The following DPY30 variants were observed in gnomAD, a reference collection of about 807,000 sequenced individuals.
DPY30 encodes the protein dpy-30 histone methyltransferase complex regulatory subunit.
Under a neutral mutation model 16.2 loss-of-function variants are expected in DPY30, and 6 were observed. The observed-to-expected ratio is 0.37, with a 90% CI of 0.20 to 0.73. The LOEUF is 0.73. Ranked by LOEUF, DPY30 falls within the 30% of genes least tolerant of loss-of-function variation. The pLI, the probability that DPY30 is intolerant of heterozygous loss-of-function variation, is 0.51. For synonymous variants in DPY30, 39 were observed against 38.8 expected (o/e 1.00, Z -0.02); for missense variants, 73 against 113.1 (o/e 0.65, Z 1.61).
chr2:32,025,027 A>G (rs1675278010), intron 4 of DPY30, among the ~76,000 whole-genome samples: 2 of 152,236 alleles, frequency 1.3e-5, no homozygotes, highest in South Asian at 4.1e-4. Context: ...ATGAAAAGGC[A>G]TATTGAAAAT....
At chr2:32,014,796 T>TA (rs556042795) in intron 5 of DPY30, among the ~76,000 whole-genome samples, 122 of 143,866 alleles carry the variant, frequency 8.5e-4, no homozygotes, top group South Asian at 3.7e-3. Context: ...ACCCCATCTT[T>TA]AAAAAAAAAA....
chr2:32,023,645 A>G, downstream of DPY30: 1 of 1,017,550 alleles, frequency 9.8e-7, no homozygotes, highest in Non-Finnish European at 1.4e-6. Flanking sequence ...TGCTTTTATT[A>G]GTACTCCAAC....
chr2:32,029,202 G>T (rs1028506101), intron 4 of DPY30, among the ~76,000 whole-genome samples: 1 of 152,112 alleles, frequency 6.6e-6, no homozygotes, highest in Non-Finnish European at 1.5e-5. Flanking sequence ...AAACCAGGAG[G>T]TAGAGGTTGC....
At chr2:32,034,143 G>T (rs1284203634) in intron 3 of DPY30, among the ~76,000 whole-genome samples, 4 of 152,160 alleles carry the variant, frequency 2.6e-5, no homozygotes, top group Non-Finnish European at 5.9e-5. Flanking sequence ...TAAACATATT[G>T]CCTTCCAGTC....
chr2:32,019,218 G>C (rs771225950), downstream of DPY30, among the ~76,000 whole-genome samples: 2 of 152,080 alleles, frequency 1.3e-5, no homozygotes, highest in Non-Finnish European at 2.9e-5. Context: ...TCAGCCTTCT[G>C]AGCAGCTGGG....
At chr2:32,025,795 C>T (rs921078346) in intron 4 of DPY30, among the ~76,000 whole-genome samples, 5 of 146,598 alleles carry the variant, frequency 3.4e-5, no homozygotes, top group Non-Finnish European at 4.5e-5. Flanking sequence ...GTACTTGGGC[C>T]GGGGGGAAAA....
intron 3 of DPY30, among the ~76,000 whole-genome samples, chr2:32,031,141 G>A (rs988440064): frequency 1.8e-4 from 28 of 152,014 alleles, no homozygotes; most frequent in African/African-American, 6.5e-4. Flanking sequence ...AAAATTTTGC[G>A]GCCAGGCACG....
chr2:32,035,591 T>TAA (rs906842596), intron 3 of DPY30, among the ~76,000 whole-genome samples: 1 of 137,382 alleles, frequency 7.3e-6, no homozygotes, highest in African/African-American at 2.7e-5. Context: ...TTCATCTTAT[T>TAA]AAAAAAAAAA....
chr2:32,034,740 T>C (rs1216287723), intron 3 of DPY30, among the ~76,000 whole-genome samples: 1 of 152,202 alleles, frequency 6.6e-6, no homozygotes, highest in Non-Finnish European at 1.5e-5. Flanking sequence ...GACTCACACC[T>C]GTAATCCCAG....
At chr2:32,031,492 G>A (rs1371524850) in intron 3 of DPY30, among the ~76,000 whole-genome samples, 4 of 152,070 alleles carry the variant, frequency 2.6e-5, no homozygotes, top group African/African-American at 4.8e-5. Flanking sequence ...AGCTACTTAA[G>A]AAGCTGAAAC....
intron 5 of DPY30, among the ~76,000 whole-genome samples, chr2:32,018,201 C>G (rs1675099612): frequency 6.6e-6 from 1 of 152,012 alleles, no homozygotes; most frequent in Admixed American, 6.6e-5. Context: ...CTGTCAGAGG[C>G]AGACAAGATG....
chr2:32,023,864 T>G, downstream of DPY30: 1 of 1,320,156 alleles, frequency 7.6e-7, no homozygotes. Context: ...TTCAATCATG[T>G]AAAATATTTG....
At chr2:32,030,970 T>G (rs1675517817) in intron 3 of DPY30, among the ~76,000 whole-genome samples, 1 of 152,134 alleles carries the variant, frequency 6.6e-6, no homozygotes, top group African/African-American at 2.4e-5. Flanking sequence ...AAACAATAAT[T>G]ACAATTAAAA....
intron 5 of DPY30, among the ~76,000 whole-genome samples, chr2:32,017,164 T>A (rs1242633754): frequency 6.6e-6 from 1 of 151,934 alleles, no homozygotes; most frequent in Non-Finnish European, 1.5e-5. Context: ...ATTACAGGCG[T>A]GAGCCACGGC....
At position 32,024,029 on chromosome 2, in the gene DPY30, G is replaced by A. The variant is rs1675244840; in HGVS notation, c.*155C>T. 2 of 1,478,496 alleles carry A rather than the reference G, an allele frequency of 1.4e-6. No homozygotes were observed. The highest frequency in any genetic ancestry group is 1.3e-5 in the South Asian group (1 of 74,190). The allele number at this position is 1,478,496 out of a possible 1,614,324, so 91.6% of individuals were successfully genotyped here. A position where few individuals can be genotyped will look rare whatever the true frequency, so the allele number is the denominator to read the frequency against. ...TTTATGGTGATTAAATCAAAATAAG[G>A]GAAATATGTTATCTTCTGCAATTCC... On this transcript the variant is annotated 3_prime_UTR_variant, in exon 5 of 5. Coordinates refer to ENST00000342166, the MANE Select transcript of DPY30 (RefSeq NM_001321209.2).
chr2:32,023,942 A>G lies in DPY30; in HGVS notation c.*242T>C, dbSNP rs1355157374. On this transcript the variant is annotated 3_prime_UTR_variant, in exon 5 of 5. Transcript: ENST00000342166. Reference sequence around the variant, plus strand: ...AGTTTATTTTGAAGGTCATTTTAAAAACAAAGTTAAAGACAATCTGAGAAA... The same window carrying G: ...AGTTTATTTTGAAGGTCATTTTAAAGACAAAGTTAAAGACAATCTGAGAAA... 3 of 1,384,956 alleles carry G rather than the reference A, an allele frequency of 2.2e-6. No homozygotes were observed. The highest frequency in any genetic ancestry group is 2.9e-5 in the African/African-American group (2 of 68,500). The allele number at this position is 1,384,956 out of a possible 1,614,324, so 85.8% of individuals were successfully genotyped here. A position where few individuals can be genotyped will look rare whatever the true frequency, so the allele number is the denominator to read the frequency against.
chr2:32,037,561 C>T lies in DPY30; in HGVS notation c.84+1718G>A, dbSNP rs1480184199. Among the ~76,000 whole-genome samples the T allele has an allele frequency of 3.5e-5, 5 of 144,318 alleles. No homozygotes were observed. The East Asian group carries it at 8.0e-4, about 23-fold the overall frequency. The allele number at this position is 144,318 out of a possible 152,430, so 94.7% of individuals were successfully genotyped here. On this transcript the variant is annotated intron_variant, in intron 3 of 4. Coordinates refer to ENST00000342166, the MANE Select transcript of DPY30 (RefSeq NM_001321209.2). The stretch of plus-strand genomic sequence containing the variant: ...TTTAACAGCCACCATGCCCAGACAA[C>T]TTTTTTTTTTTTTTGAGACAGAGTC...
At chr2:32,036,617 G>A (rs1675750028) in intron 3 of DPY30, among the ~76,000 whole-genome samples, 1 of 149,474 alleles carries the variant, frequency 6.7e-6, no homozygotes, top group South Asian at 2.1e-4. Context: ...CTTGCAGTGA[G>A]CCAAGATCAC....
intron 5 of DPY30, among the ~76,000 whole-genome samples, chr2:32,017,064 G>A (rs1380026241): frequency 1.3e-5 from 2 of 151,754 alleles, no homozygotes; most frequent in East Asian, 2.0e-4. Flanking sequence ...TGTATTTTTC[G>A]TAGAGACAGG....
Sources: gnomAD v4.1 joint callset for allele counts (sites outside exome capture counted in the v4.1 genomes callset) on GRCh38, gnomAD v4.1.1 for gene constraint, MANE v1.5 for transcripts, NCBI Gene and HGNC (gene_info 2026-07-23, HGNC 2026-07-21) for gene names.